NELFE: variants seen among roughly 807,000 people sequenced by gnomAD.
The protein encoded by NELFE is negative elongation factor complex member E.
A neutral mutation model predicts 55.5 loss-of-function variants in NELFE; 26 were observed. That is an observed-to-expected ratio of 0.47 (90% CI 0.34 to 0.65). The LOEUF is 0.65. NELFE is among the 30% of genes least tolerant of loss of function. The pLI is 0.01. For missense variants in NELFE, 403 were observed against 506.9 expected, an observed-to-expected ratio of 0.80 and a Z score of 1.97; for synonymous variants, 162 against 178.0, an observed-to-expected ratio of 0.91 and a Z score of 0.72.
chr6:31,952,439 TCATAGAACAGA>T, intron 10 of NELFE, 41 bp from the exon 11 acceptor site: 1 of 1,472,726 alleles, frequency 6.8e-7, no homozygotes, highest in East Asian at 2.3e-5. Context: ...CTAAAGGAGA[TCATAGAACAGA>T]CCCTGAGGCT....
In NELFE at chr6:31,954,945, A is replaced by G; in HGVS notation, c.405-53T>C. On this transcript the variant is annotated intron_variant, in intron 6 of 10. Coordinates refer to ENST00000375429, the MANE Select transcript of NELFE (RefSeq NM_002904.6). This position sits in a 1 kb window ranked among gnomAD's most constrained non-coding sequence, Gnocchi z 5.5. ...GGGGGGTTTTACCTTCTCCCCTCAG[A>G]CCCTGTGGAGACTCAATATTCCCTC... The G allele has an allele frequency of 1.2e-6, 2 of 1,603,566 alleles. No individual in the cohort carries two copies. The highest frequency in any genetic ancestry group is 1.7e-6 in the Non-Finnish European group (2 of 1,174,254).
In NELFE at chr6:31,953,710, G is replaced by A. The variant is rs1771897198; in HGVS notation, c.1045+19C>T. The A allele has an allele frequency of 6.3e-7, 1 of 1,592,472 alleles. No individual in the cohort carries two copies. Among genetic ancestry groups the A allele is most frequent in the Non-Finnish European group, 8.6e-7 (1 of 1,161,338 alleles). On this transcript the variant is annotated intron_variant, in intron 10 of 10. Transcript: ENST00000375429. ...GGCCTGTGGGGGAGAGGATGGGAAAGGAAGAATCCCATTCTTACCGAGGGA... is the reference window on the plus strand; with the variant it reads ...GGCCTGTGGGGGAGAGGATGGGAAAAGAAGAATCCCATTCTTACCGAGGGA...
Position 31,957,017 on chromosome 6 carries a change from A to G in NELFE, c.76-7T>C. ...GAGCCAGCAATGCCTTTTTCTGGGA[A>G]CAAGGGTGAGAAGAGAGAGGTAAGT... On this transcript the variant is annotated splice_region_variant and splice_polypyrimidine_tract_variant and intron_variant, in intron 2 of 10. Coordinates refer to ENST00000375429, the MANE Select transcript of NELFE (RefSeq NM_002904.6). 6.3e-7 allele frequency: 1 copy of G among 1,594,706 alleles called. No homozygotes were observed. Among genetic ancestry groups the G allele is most frequent in the Non-Finnish European group, 8.6e-7 (1 of 1,165,910 alleles).
At chr6:31,956,878 C>T in intron 3 of NELFE, 40 bp from the exon 4 acceptor site, 2 of 1,613,006 alleles carry the variant, frequency 1.2e-6, no homozygotes, top group Non-Finnish European at 1.7e-6. Flanking sequence ...TTGGCCAAGC[C>T]ATGATGAAGG....
chr6:31,954,788 T>C lies in NELFE; in HGVS notation c.509A>G (p.Tyr170Cys), dbSNP rs765513483. Reference sequence around the variant, plus strand: ...GGAGTGGGCACCACTGCGTTCTTCATAGCCCCAGTCAAAGCTTCGAGGGGG... The same window carrying C: ...GGAGTGGGCACCACTGCGTTCTTCACAGCCCCAGTCAAAGCTTCGAGGGGG... ...DGPPRSFDWG[Y>C]EERSGAHSSA... The change falls in exon 7 of 11, where the codon TAT becomes TGT. Residue 170 changes from tyrosine to cysteine, a missense_variant. Transcript: ENST00000375429. The surrounding 1 kb of genome is among the most constrained non-coding windows in gnomAD (Gnocchi z 5.5). The C allele has an allele frequency of 7.4e-6, 12 of 1,611,122 alleles. No individual in the cohort carries two copies. The highest frequency in any genetic ancestry group is 4.4e-5 in the South Asian group (4 of 91,006).
At position 31,954,286 on chromosome 6, in the gene NELFE, T is replaced by C. The variant is rs1771931797; in HGVS notation, c.887+12A>G. On this transcript the variant is annotated intron_variant, in intron 8 of 10. Coordinates refer to ENST00000375429, the MANE Select transcript of NELFE (RefSeq NM_002904.6). This position sits in a 1 kb window ranked among gnomAD's most constrained non-coding sequence, Gnocchi z 5.5. The stretch of plus-strand genomic sequence containing the variant: ...CCCAGGACTTCTCATCATGCCCTGT[T>C]GTCATCCTTACTTTCTGGGTGGGTC... The C allele has an allele frequency of 2.5e-6, 4 of 1,609,144 alleles. No homozygotes were observed. The highest frequency in any genetic ancestry group is 3.4e-6 in the Non-Finnish European group (4 of 1,177,524).
In NELFE at chr6:31,954,010, T is replaced by C. The variant is rs1472570182; in HGVS notation, c.942+70A>G. The C allele has an allele frequency of 6.5e-6, 10 of 1,533,416 alleles. No individual in the cohort carries two copies. Among genetic ancestry groups the C allele is most frequent in the Admixed American group, 1.7e-5 (1 of 57,932 alleles). The allele number at this position is 1,533,416 out of a possible 1,614,324, so 95.0% of individuals were successfully genotyped here. ...AAGAGGAACCAACTTCTTCCTGGCA[T>C]CTAGTATTTTGAGGAGAACACATGA... On this transcript the variant is annotated intron_variant, in intron 9 of 10. Coordinates refer to ENST00000375429, the MANE Select transcript of NELFE (RefSeq NM_002904.6). The surrounding 1 kb of genome is among the most constrained non-coding windows in gnomAD (Gnocchi z 5.5).
chr6:31,955,445 CTTA>C (rs1772019937), intron 4 of NELFE, 152 bp from the exon 5 acceptor site: 3 of 497,338 alleles, frequency 6.0e-6, no homozygotes, highest in Admixed American at 4.0e-5. Context: ...CGTGGTTTTA[CTTA>C]TTTTTTTTTT....
chr6:31,954,791 C>T lies in NELFE; in HGVS notation c.506G>A (p.Gly169Asp). The T allele has an allele frequency of 6.2e-7, 1 of 1,610,246 alleles. No homozygotes were observed. Among genetic ancestry groups the T allele is most frequent in the South Asian group, 1.1e-5 (1 of 90,912 alleles). Residue 169 changes from glycine (G) to aspartate (D), a missense_variant, in exon 7 of 11, where the codon GGC (glycine) becomes GAC (aspartate). Physicochemically the swap from Gly to Asp is moderately conservative, Grantham distance 94. Coordinates refer to ENST00000375429, the MANE Select transcript of NELFE (RefSeq NM_002904.6). This position sits in a 1 kb window ranked among gnomAD's most constrained non-coding sequence, Gnocchi z 5.5. ...GTGGGCACCACTGCGTTCTTCATAG[C>T]CCCAGTCAAAGCTTCGAGGGGGACC... ...GDGPPRSFDW[G>D]YEERSGAHSS...
chr6:31,955,163 G>A, intron 5 of NELFE, 56 bp downstream of exon 5: 1 of 1,611,830 alleles, frequency 6.2e-7, no homozygotes, highest in Non-Finnish European at 8.5e-7. Context: ...AAATATATTT[G>A]TCTCTCATAT....
chr6:31,957,551 CG>C (rs1772165342), intron 2 of NELFE: 3 of 436,362 alleles, frequency 6.9e-6, no homozygotes, highest in Non-Finnish European at 1.4e-5. Context: ...GGCCCTCTCC[CG>C]TATCTCTGCA....
chr6:31,958,464 G>T lies in NELFE; in HGVS notation c.-8-10C>A, dbSNP rs769507244. The T allele has an allele frequency of 6.2e-7, 1 of 1,611,334 alleles. No homozygotes were observed. The highest frequency in any genetic ancestry group is 8.5e-7 in the Non-Finnish European group (1 of 1,178,638). On this transcript the variant is annotated splice_polypyrimidine_tract_variant and intron_variant, in intron 1 of 10. Coordinates refer to ENST00000375429, the MANE Select transcript of NELFE (RefSeq NM_002904.6). ...ACCAACATGGTGGCTCCTAGTTCAG[G>T]GGCAGGGCCCAAGACATCTTTCTCC...
chr6:31,953,615 G>A (rs549095176), intron 10 of NELFE, 114 bp downstream of exon 10: 28 of 862,168 alleles, frequency 3.2e-5, no homozygotes, highest in Non-Finnish European at 5.3e-5. Context: ...CATTCCCATA[G>A]CCTCCGCACA....
At chr6:31,957,203 A>G in intron 2 of NELFE, 193 bp from the exon 3 acceptor site, 1 of 624,620 alleles carries the variant, frequency 1.6e-6, no homozygotes, top group South Asian at 1.9e-5. Context: ...ATCTAACCAA[A>G]CCACGGAACC....
At chr6:31,957,378 C>A in intron 2 of NELFE, 1 of 510,386 alleles carries the variant, frequency 2.0e-6, no homozygotes, top group Non-Finnish European at 3.8e-6. Flanking sequence ...GCCATGACTT[C>A]GTAACAGGGA....
In NELFE at chr6:31,956,938, C is replaced by A; in HGVS notation, c.145+3G>T. On this transcript the variant is annotated splice_donor_region_variant and intron_variant, in intron 3 of 10. Transcript: ENST00000375429. ...GTCCATCCCCATTTCCCCTGTCACT[C>A]ACAGCGTTTGACACCACCTTGGCTG... 6.2e-7 allele frequency: 1 copy of A among 1,611,624 alleles called. No homozygotes were observed. The highest frequency in any genetic ancestry group is 1.1e-5 in the South Asian group (1 of 91,070).
chr6:31,956,713 T>A lies in NELFE; in HGVS notation c.271A>T (p.Thr91Ser), dbSNP rs1187497863. The A allele has an allele frequency of 6.2e-6, 10 of 1,608,332 alleles. No homozygotes were observed. The highest frequency in any genetic ancestry group is 8.5e-6 in the Non-Finnish European group (10 of 1,176,148). ...CTCACCTTTAACTTCCCCTCAAGGG[T>A]TCGAGAACGCTTGAAGCCTGAGTTC... ...TKNSGFKRSR[T>S]LEGKLKDPEK... is the part of the protein sequence containing the mutation. The change falls in exon 4 of 11, where the codon ACC becomes TCC. Residue 91 changes from threonine (T) to serine (S), a missense_variant. Around this residue, in one of 3 missense-constraint regions of NELFE, gnomAD observed 97 missense variants for 155.3 expected, o/e 0.62. Transcript: ENST00000375429.
chr6:31,952,547 C>T lies in NELFE; in HGVS notation c.1046-149G>A, dbSNP rs944252626. 4 of 579,898 alleles carry T rather than the reference C, an allele frequency of 6.9e-6. No individual in the cohort carries two copies. The African/African-American group carries it at 7.6e-5, about 11-fold the overall frequency. The allele number at this position is 579,898 out of a possible 1,614,324, so 35.9% of individuals were successfully genotyped here. On this transcript the variant is annotated intron_variant, in intron 10 of 10. Coordinates refer to ENST00000375429, the MANE Select transcript of NELFE (RefSeq NM_002904.6). Reference sequence around the variant, plus strand: ...CTGGTGGCCAGGATGGCCTGTCTTCCTTAGCTCCTTTGTGCCAACCCATGG... The same window carrying T: ...CTGGTGGCCAGGATGGCCTGTCTTCTTTAGCTCCTTTGTGCCAACCCATGG...
At chr6:31,955,354 G>A (rs1772014180) in intron 4 of NELFE, 61 bp from the exon 5 acceptor site, 5 of 1,248,484 alleles carry the variant, frequency 4.0e-6, no homozygotes, top group Non-Finnish European at 5.6e-6. Context: ...ATGGACCAGA[G>A]GTGTTCCTCT....
Sources: allele counts gnomAD v4.1 joint callset, GRCh38; gene constraint gnomAD v4.1.1; regional missense constraint gnomAD v4.1.1; non-coding constraint Gnocchi (gnomAD v3.1); transcripts MANE v1.5; gene names NCBI Gene and HGNC (gene_info 2026-07-23, HGNC 2026-07-21).